Variants in USP4 observed in about 807,000 individuals in gnomAD.
The protein encoded by USP4 is ubiquitin carboxyl-terminal hydrolase 4.
In USP4, 72 loss-of-function variants were observed where a neutral mutation model predicts 118.2. The ratio of observed to expected loss-of-function variants is 0.61; its 90% CI spans 0.50 to 0.74. The LOEUF is 0.74. Ranked by LOEUF, USP4 falls within the 30% of genes least tolerant of loss-of-function variation. The probability of loss-of-function intolerance (pLI) is 0.00; values close to 1 mark genes in which losing one functional copy is unlikely to be tolerated. For missense variants in USP4, 1,037 were observed against 1,185.7 expected (o/e 0.87, Z 1.84); for synonymous variants, 415 against 440.4 (o/e 0.94, Z 0.72).
chr3:49,325,310 A>C (rs1157866887), intron 4 of USP4, among the ~76,000 whole-genome samples: 1 of 151,094 alleles, frequency 6.6e-6, no homozygotes, highest in Non-Finnish European at 1.5e-5. Flanking sequence ...TTTGGAGTTA[A>C]CTCAGATATG....
At chr3:49,329,304 G>A (rs2047589404) in intron 2 of USP4, among the ~76,000 whole-genome samples, 1 of 152,084 alleles carries the variant, frequency 6.6e-6, no homozygotes, top group South Asian at 2.1e-4. Context: ...GATGTCTTGA[G>A]CCCGTTGAAG....
chr3:49,302,421 T>G lies in USP4; in HGVS notation c.1250A>C (p.Tyr417Ser). Residue 417 changes from tyrosine to serine, a missense_variant, in exon 10 of 22, where the codon TAC (tyrosine) becomes TCC (serine). Transcript: ENST00000265560. The part of the protein sequence containing the change: ...EDLNRVKKKP[Y>S]LELKDANGRP... ...CCCATTGGCATCCTTCAGCTCCAAG[T>G]AGGGCTTTTTCTTTACCCGGTTCAG... The G allele has an allele frequency of 1.2e-6, 2 of 1,614,096 alleles. No individual in the cohort carries two copies. Among genetic ancestry groups the G allele is most frequent in the Non-Finnish European group, 1.7e-6 (2 of 1,180,022 alleles).
intron 15 of USP4, among the ~76,000 whole-genome samples, chr3:49,289,977 C>A (rs1190635856): frequency 2.0e-5 from 3 of 152,072 alleles, no homozygotes; most frequent in Non-Finnish European, 4.4e-5. Flanking sequence ...AAGAAATTAG[C>A]TGGGTATGGT....
intron 9 of USP4, 89 bp downstream of exon 9, chr3:49,305,625 AT>A: frequency 7.9e-7 from 1 of 1,258,726 alleles, no homozygotes; most frequent in East Asian, 2.6e-5. Flanking sequence ...ATAAAAAAAA[AT>A]CCTAAAAAAC....
At chr3:49,325,172 T>G (rs888930479) in intron 4 of USP4, 133 bp from the exon 5 acceptor site, 2 of 1,141,366 alleles carry the variant, frequency 1.8e-6, no homozygotes, top group Non-Finnish European at 1.2e-6. Flanking sequence ...TGATACCTCT[T>G]AAAATCAATC....
Position 49,310,738 on chromosome 3 carries a change from C to T in USP4, c.837-1G>A. Reference sequence around the variant, plus strand: ...ATACGAAGCAGAAAAGCCAGATCCACTGGAAAACACAACACACATCAGCAA... The same window carrying T: ...ATACGAAGCAGAAAAGCCAGATCCATTGGAAAACACAACACACATCAGCAA... On this transcript the variant is annotated splice_acceptor_variant, in intron 7 of 21. Coordinates refer to ENST00000265560, the MANE Select transcript of USP4 (RefSeq NM_003363.4). LOFTEE classifies it high-confidence loss of function. 1 of 1,610,440 alleles carries T rather than the reference C, an allele frequency of 6.2e-7. No homozygotes were observed. The highest frequency in any genetic ancestry group is 1.3e-5 in the African/African-American group (1 of 74,960).
chr3:49,294,698 G>A, intron 13 of USP4, 100 bp from the exon 14 acceptor site: 2 of 1,157,838 alleles, frequency 1.7e-6, no homozygotes, highest in Non-Finnish European at 2.5e-6. Context: ...TGATTACTGG[G>A]ACAGAGCATA....
At chr3:49,311,018 T>C (rs1257136103) in intron 7 of USP4, among the ~76,000 whole-genome samples, 4 of 152,192 alleles carry the variant, frequency 2.6e-5, no homozygotes, top group African/African-American at 9.7e-5. Flanking sequence ...GGGAAGACCA[T>C]TTTAGTTATT....
intron 1 of USP4, among the ~76,000 whole-genome samples, chr3:49,338,389 G>A (rs1474862450): frequency 6.6e-6 from 1 of 152,080 alleles, no homozygotes; most frequent in African/African-American, 2.4e-5. Flanking sequence ...GCCGGGCGCA[G>A]TAGCTTCCGC....
In USP4 at chr3:49,277,728, T is replaced by C. The variant is rs947506494; in HGVS notation, c.*565A>G. On this transcript the variant is annotated 3_prime_UTR_variant, in exon 22 of 22. Coordinates refer to ENST00000265560, the MANE Select transcript of USP4 (RefSeq NM_003363.4). ...GCCAGGATCCCCAACACTAGATATC[T>C]TCCTTAGCGGGGAGAAAGCTGGAAA... The C allele has an allele frequency of 1.2e-5, 2 of 161,800 alleles. No homozygotes were observed. Among genetic ancestry groups the C allele is most frequent in the African/African-American group, 4.8e-5 (2 of 41,858 alleles). The allele number at this position is 161,800 out of a possible 1,614,324, so 10.0% of individuals were successfully genotyped here.
chr3:49,294,627 T>A (rs773005885), intron 13 of USP4, 29 bp from the exon 14 acceptor site: 14 of 1,600,862 alleles, frequency 8.7e-6, no homozygotes, highest in Non-Finnish European at 1.2e-5. Flanking sequence ...AGGGCACTTT[T>A]AGCAGTAGGT....
At chr3:49,283,847 G>C in intron 19 of USP4, 140 bp downstream of exon 19, 1 of 972,700 alleles carries the variant, frequency 1.0e-6, no homozygotes, top group African/African-American at 1.6e-5. Flanking sequence ...GGTAACTACA[G>C]CTAAACTCTG....
chr3:49,305,602 T>TA, intron 9 of USP4, 113 bp downstream of exon 9: 1 of 919,002 alleles, frequency 1.1e-6, no homozygotes, highest in Non-Finnish European at 1.5e-6. Flanking sequence ...CTAGTAAGCA[T>TA]AATGTAAATA....
intron 10 of USP4, among the ~76,000 whole-genome samples, chr3:49,301,096 T>A (rs913366541): frequency 1.3e-5 from 2 of 152,046 alleles, no homozygotes; most frequent in African/African-American, 4.8e-5. Context: ...TGCATCACCA[T>A]GCCTGGCTAA....
intron 6 of USP4, chr3:49,312,443 T>G (rs1254300907): frequency 4.4e-6 from 2 of 451,452 alleles, no homozygotes; most frequent in Non-Finnish European, 8.9e-6. Flanking sequence ...ACCACCGCAC[T>G]CCAGCTTGGT....
intron 2 of USP4, among the ~76,000 whole-genome samples, chr3:49,329,976 C>T (rs2047596376): frequency 6.6e-6 from 1 of 151,882 alleles, no homozygotes; most frequent in South Asian, 2.1e-4. Context: ...CTGGTCTCTA[C>T]TAAAAATACA....
intron 12 of USP4, 95 bp from the exon 13 acceptor site, chr3:49,298,059 A>C: frequency 1.2e-6 from 1 of 833,624 alleles, no homozygotes; most frequent in Non-Finnish European, 2.0e-6. Context: ...AAAAATACTC[A>C]TACTCAAATG....
chr3:49,330,126 G>C (rs2047598984), intron 2 of USP4, among the ~76,000 whole-genome samples: 2 of 151,844 alleles, frequency 1.3e-5, no homozygotes, highest in Admixed American at 1.3e-4. Flanking sequence ...AGCCAAGACT[G>C]AGCCACTGCA....
intron 6 of USP4, among the ~76,000 whole-genome samples, chr3:49,322,753 C>G (rs544269995): frequency 1.8e-3 from 218 of 123,734 alleles, no homozygotes; most frequent in Non-Finnish European, 2.6e-3. Flanking sequence ...CCCAGCTGCT[C>G]GGGAGGCTGA....
Sources: allele counts gnomAD v4.1 joint callset (sites outside exome capture counted in the v4.1 genomes callset), GRCh38; gene constraint gnomAD v4.1.1; transcripts MANE v1.5; gene names NCBI Gene and HGNC (gene_info 2026-07-23, HGNC 2026-07-21).